The following VPS26C variants were observed in gnomAD, a reference collection of about 807,000 sequenced individuals.
VPS26C encodes the protein VPS26 endosomal protein sorting factor C, also known as vacuolar protein sorting-associated protein 26C.
Under a neutral mutation model 30.6 loss-of-function variants are expected in VPS26C, and 19 were observed. The observed-to-expected ratio is 0.62, with a 90% CI of 0.43 to 0.91. The LOEUF is 0.91. Among genes scored for constraint, VPS26C ranks in the 40% least tolerant of loss-of-function variants. VPS26C has a pLI of 0.00. For synonymous variants in VPS26C, 132 were observed against 151.5 expected (o/e 0.87, Z 0.95); for missense variants, 318 against 385.1 (o/e 0.83, Z 1.46).
intron 1 of VPS26C, chr21:37,261,119 G>C (rs1336324617): frequency 6.6e-6 from 1 of 152,170 alleles, no homozygotes; most frequent in African/African-American, 2.4e-5. Context: ...TGGACTAATA[G>C]AACAAAGTCA....
intron 1 of VPS26C, among the ~76,000 whole-genome samples, chr21:37,254,459 T>G (rs572826771): frequency 1.3e-5 from 2 of 151,918 alleles, no homozygotes; most frequent in African/African-American, 2.4e-5. Flanking sequence ...ATTGTGCCAC[T>G]GTGCTCCAGC....
At chr21:37,258,014 A>C (rs1382753093) in intron 1 of VPS26C, among the ~76,000 whole-genome samples, 1 of 152,174 alleles carries the variant, frequency 6.6e-6, no homozygotes, top group African/African-American at 2.4e-5. Context: ...TGTGTGGCGG[A>C]GATGAGACCC....
intron 3 of VPS26C, among the ~76,000 whole-genome samples, chr21:37,237,033 G>A (rs1175000956): frequency 2.6e-5 from 4 of 152,128 alleles, no homozygotes; most frequent in Admixed American, 6.6e-5. Flanking sequence ...CTCCTGCCAT[G>A]GCCTCCCAAA....
At chr21:37,267,111 G>A (rs1213956266) in intron 1 of VPS26C, 127 bp downstream of exon 1, 5 of 876,342 alleles carry the variant, frequency 5.7e-6, no homozygotes, top group Non-Finnish European at 9.3e-6. Flanking sequence ...CCACCTTGGC[G>A]GAGACGCACC....
intron 3 of VPS26C, among the ~76,000 whole-genome samples, chr21:37,234,053 G>A (rs1285070194): frequency 1.3e-5 from 2 of 152,214 alleles, no homozygotes; most frequent in Admixed American, 6.5e-5. Context: ...ACCCTTCCTC[G>A]CTGGGCACCT....
intron 1 of VPS26C, among the ~76,000 whole-genome samples, chr21:37,259,621 G>A (rs1422133245): frequency 6.6e-6 from 1 of 152,144 alleles, no homozygotes; most frequent in Non-Finnish European, 1.5e-5. Flanking sequence ...CAGTGCATTT[G>A]AGTCCAACTT....
At chr21:37,225,824 C>T (rs1224361223) in intron 7 of VPS26C, 198 bp from the exon 8 acceptor site, 1 of 585,814 alleles carries the variant, frequency 1.7e-6, no homozygotes, top group African/African-American at 1.9e-5. Context: ...TGTCTGACTA[C>T]CTCTGTCAAC....
chr21:37,240,155 C>T (rs2086070214), intron 2 of VPS26C, among the ~76,000 whole-genome samples: 1 of 152,096 alleles, frequency 6.6e-6, no homozygotes, highest in South Asian at 2.1e-4. Context: ...TGGTATCTTG[C>T]TCTGTTGCTG....
chr21:37,267,361 C>A, upstream of VPS26C: 1 of 1,450,256 alleles, frequency 6.9e-7, no homozygotes, highest in Non-Finnish European at 9.6e-7. Context: ...GGGGCGCCTC[C>A]CCGCTTCGTT....
chr21:37,263,592 A>C (rs2086327297), intron 1 of VPS26C, among the ~76,000 whole-genome samples: 2 of 152,200 alleles, frequency 1.3e-5, no homozygotes, highest in Non-Finnish European at 2.9e-5. Context: ...CCTGGCTGTC[A>C]AACCCTACCC....
chr21:37,249,562 T>C (rs1014765254), intron 1 of VPS26C, among the ~76,000 whole-genome samples: 2 of 152,152 alleles, frequency 1.3e-5, no homozygotes, highest in East Asian at 3.8e-4. Context: ...AAAAGAAAAT[T>C]TGAAGAAATG....
Position 37,225,063 on chromosome 21 carries a change from G to A in VPS26C, c.*481C>T, listed in dbSNP as rs780825403. The A allele has an allele frequency of 3.6e-5, 6 of 168,790 alleles. No individual in the cohort carries two copies. Among genetic ancestry groups the A allele is most frequent in the Non-Finnish European group, 6.5e-5 (5 of 76,562 alleles). 10.5% of individuals were successfully genotyped at this position (168,790 alleles called of 1,614,324 possible). A position where few individuals can be genotyped will look rare whatever the true frequency, so the allele number is the denominator to read the frequency against. On this transcript the variant is annotated 3_prime_UTR_variant, in exon 8 of 8. Coordinates refer to ENST00000309117, the MANE Select transcript of VPS26C (RefSeq NM_006052.2). ...CTAGCACTTTGCGCTCTGCCTTGGC[G>A]AGTATCTGCAAACTTCCTGACCATC... is the stretch of plus-strand genomic sequence containing the variant.
chr21:37,243,204 C>T (rs1416352233), intron 1 of VPS26C, among the ~76,000 whole-genome samples: 1 of 152,160 alleles, frequency 6.6e-6, no homozygotes, highest in African/African-American at 2.4e-5. Flanking sequence ...AGACTTTCAT[C>T]AGGAAGACAT....
In VPS26C at chr21:37,237,921, A is replaced by G. The variant is rs563934283; in HGVS notation, c.351+539T>C. On this transcript the variant is annotated intron_variant, in intron 3 of 7. Coordinates refer to ENST00000309117, the MANE Select transcript of VPS26C (RefSeq NM_006052.2). The stretch of plus-strand genomic sequence containing the variant: ...CTTTCTGCTGCATAAAGGAAAGGCT[A>G]TCTCACCCCGCGTGGACTCCACTGC... Among the ~76,000 whole-genome samples the G allele has an allele frequency of 7.9e-5, 12 of 152,284 alleles. No homozygotes were observed. The South Asian group carries it at 2.1e-3, about 26-fold the overall frequency.
intron 1 of VPS26C, among the ~76,000 whole-genome samples, chr21:37,246,302 A>C (rs2086137195): frequency 6.6e-6 from 1 of 152,178 alleles, no homozygotes; most frequent in South Asian, 2.1e-4. Flanking sequence ...ATGGAATTCA[A>C]AATGCAAGCA....
intron 1 of VPS26C, among the ~76,000 whole-genome samples, chr21:37,248,865 T>C (rs1658045304): frequency 6.6e-6 from 1 of 152,116 alleles, no homozygotes; most frequent in Non-Finnish European, 1.5e-5. Flanking sequence ...TATTAGCAAA[T>C]GCAATCCAGT....
chr21:37,241,943 C>T (rs1308799093), intron 1 of VPS26C, among the ~76,000 whole-genome samples: 1 of 152,208 alleles, frequency 6.6e-6, no homozygotes, highest in Non-Finnish European at 1.5e-5. Context: ...AAAATTTTTA[C>T]CAAGTTCTTA....
intron 3 of VPS26C, among the ~76,000 whole-genome samples, chr21:37,234,813 C>T (rs2086002691): frequency 6.6e-6 from 1 of 152,004 alleles, no homozygotes; most frequent in Admixed American, 6.6e-5. Flanking sequence ...CTGCAAGGAT[C>T]TTTATGTAGA....
intron 1 of VPS26C, among the ~76,000 whole-genome samples, chr21:37,262,790 CAG>C (rs1486976633): frequency 1.4e-5 from 2 of 146,826 alleles, no homozygotes; most frequent in Admixed American, 6.8e-5. Flanking sequence ...TTTTTTGAGA[CAG>C]AGTCTTGCTC....
Sources: gnomAD v4.1 joint callset for allele counts (sites outside exome capture counted in the v4.1 genomes callset) on GRCh38, gnomAD v4.1.1 for gene constraint, MANE v1.5 for transcripts, NCBI Gene and HGNC (gene_info 2026-07-23, HGNC 2026-07-21) for gene names.